The following RBFOX1 variants were observed in gnomAD, a reference collection of about 807,000 sequenced individuals.
RBFOX1 encodes the protein RNA binding protein fox-1 homolog 1.
In RBFOX1, 8 loss-of-function variants were observed where a neutral mutation model predicts 57.7. That is an observed-to-expected ratio of 0.14 (90% CI 0.08 to 0.25). RBFOX1 has a LOEUF of 0.25. Ranked by LOEUF, RBFOX1 falls within the 10% of genes least tolerant of loss-of-function variation. RBFOX1 has a pLI of 1.00. For synonymous variants in RBFOX1, 326 were observed against 222.4 expected (o/e 1.47, Z -4.15); for missense variants, 611 against 548.5 (o/e 1.11, Z -1.14).
chr16:6,268,714 C>T (rs1172932469), intron 1 of RBFOX1, among the ~76,000 whole-genome samples: 1 of 152,126 alleles, frequency 6.6e-6, no homozygotes, highest in African/African-American at 2.4e-5. Context: ...TCTTAGGGAT[C>T]TTACAGTTCA....
chr16:6,809,050 G>A (rs2087717096), intron 3 of RBFOX1, among the ~76,000 whole-genome samples: 1 of 152,118 alleles, frequency 6.6e-6, no homozygotes, highest in African/African-American at 2.4e-5. Flanking sequence ...TTGAGTCTTG[G>A]CCAATCCCAG....
At chr16:6,791,215 T>C (rs1418864352) in intron 3 of RBFOX1, among the ~76,000 whole-genome samples, 1 of 152,194 alleles carries the variant, frequency 6.6e-6, no homozygotes, top group African/African-American at 2.4e-5. Context: ...CCTGTTCTTG[T>C]CTATCTTTAT....
chr16:5,995,623 A>G (rs1347854702), intron 4 of RBFOX1, among the ~76,000 whole-genome samples: 2 of 152,250 alleles, frequency 1.3e-5, no homozygotes, highest in South Asian at 4.1e-4. Flanking sequence ...TAGAATGGAC[A>G]GACAGAAATC....
At chr16:5,553,266 G>C (rs35303512) in intron 2 of RBFOX1, among the ~76,000 whole-genome samples, 43,196 of 151,310 alleles carry the variant, frequency 0.29, 6,838 homozygotes, top group Non-Finnish European at 0.35. Context: ...ATGTACCCTA[G>C]AACTTAAAGT....
At chr16:6,099,957 G>T (rs2096284394) in intron 1 of RBFOX1, among the ~76,000 whole-genome samples, 1 of 152,154 alleles carries the variant, frequency 6.6e-6, no homozygotes, top group Admixed American at 6.5e-5. Flanking sequence ...AGAAGGTGGT[G>T]TAACAGCCTC....
chr16:6,478,425 ATATATTTTTTTTT>A (rs1459720237), intron 2 of RBFOX1, among the ~76,000 whole-genome samples: 1 of 11,730 alleles, frequency 8.5e-5, no homozygotes, highest in African/African-American at 2.6e-4. Context: ...ATATATATAT[ATATATTTTTTTTT>A]TTTTTTTTTG....
At chr16:6,591,117 C>G (rs1548860) in intron 2 of RBFOX1, among the ~76,000 whole-genome samples, 146,566 of 152,196 alleles carry the variant, frequency 0.96, 70,840 homozygotes, top group East Asian at 1. Flanking sequence ...TCTAAGAGTT[C>G]GCACACTGTG....
intron 9 of RBFOX1, among the ~76,000 whole-genome samples, chr16:7,601,352 G>A (rs574294248): frequency 6.6e-5 from 10 of 152,304 alleles, no homozygotes; most frequent in Admixed American, 5.2e-4. Flanking sequence ...GGTATGCAAA[G>A]TGGCCTAAAA....
intron 3 of RBFOX1, among the ~76,000 whole-genome samples, chr16:5,817,619 A>G (rs2055689149): frequency 6.6e-6 from 1 of 150,422 alleles, no homozygotes; most frequent in Admixed American, 6.6e-5. Context: ...GAGAAAGGAG[A>G]GGGGAGAGAG....
chr16:7,529,292 C>G (rs547182406), intron 5 of RBFOX1, among the ~76,000 whole-genome samples: 1 of 152,252 alleles, frequency 6.6e-6, no homozygotes, highest in African/African-American at 2.4e-5. Context: ...AAAAAGAAAA[C>G]TCAAATACTT....
intron 2 of RBFOX1, among the ~76,000 whole-genome samples, chr16:5,493,160 C>G (rs1370093573): frequency 2.0e-5 from 3 of 152,206 alleles, no homozygotes; most frequent in Non-Finnish European, 4.4e-5. Flanking sequence ...TTAGATGGTT[C>G]TTGAAACTCA....
chr16:6,745,016 A>T (rs950849826), intron 3 of RBFOX1, among the ~76,000 whole-genome samples: 2 of 152,064 alleles, frequency 1.3e-5, no homozygotes, highest in African/African-American at 4.8e-5. Context: ...TACAGACTCT[A>T]TAGGTATTAA....
intron 1 of RBFOX1, among the ~76,000 whole-genome samples, chr16:6,210,904 G>C (rs1159824798): frequency 2.0e-5 from 3 of 152,096 alleles, no homozygotes; most frequent in Non-Finnish European, 2.9e-5. Flanking sequence ...CTTTCTCTTA[G>C]GAAAACACAA....
At chr16:6,127,064 C>G (rs1358578654) in intron 1 of RBFOX1, among the ~76,000 whole-genome samples, 1 of 152,084 alleles carries the variant, frequency 6.6e-6, no homozygotes, top group East Asian at 1.9e-4. Context: ...CAAGCTGGAC[C>G]CACATCCATG....
chr16:6,226,737 C>G lies in RBFOX1; in HGVS notation c.-126-90258C>G, dbSNP rs191709205. Among the ~76,000 whole-genome samples the G allele has an allele frequency of 2.0e-3, 303 of 152,144 alleles. 7 individuals carry two copies. Among genetic ancestry groups the G allele is most frequent in the African/African-American group, 7.1e-3 (293 of 41,522 alleles). ...ATCTTGCTGGCTGTAGGCTTTGACC[C>G]TCACTTTCTTTCATCTTTAAAATGA... On this transcript the variant is annotated intron_variant, in intron 1 of 15. Coordinates refer to ENST00000550418, the MANE Select transcript of RBFOX1 (RefSeq NM_018723.4).
chr16:7,022,365 A>G (rs934267852), intron 3 of RBFOX1, among the ~76,000 whole-genome samples: 1 of 151,808 alleles, frequency 6.6e-6, no homozygotes, highest in Non-Finnish European at 1.5e-5. Flanking sequence ...CGTGAACCCC[A>G]TATTCTTAAA....
intron 3 of RBFOX1, among the ~76,000 whole-genome samples, chr16:6,812,705 G>T (rs767607413): frequency 6.6e-6 from 1 of 152,100 alleles, no homozygotes; most frequent in Non-Finnish European, 1.5e-5. Context: ...CCTAAATGTG[G>T]TCTAAATCTT....
intron 5 of RBFOX1, among the ~76,000 whole-genome samples, chr16:7,522,453 G>A (rs539843578): frequency 6.6e-6 from 1 of 152,322 alleles, no homozygotes; most frequent in African/African-American, 2.4e-5. Context: ...CAGTTTGGAT[G>A]TCTTTAAAGA....
chr16:7,639,013 C>T (rs141063750), intron 11 of RBFOX1, among the ~76,000 whole-genome samples: 26 of 151,388 alleles, frequency 1.7e-4, no homozygotes, highest in African/African-American at 6.4e-4. Context: ...AGATAGGTAC[C>T]CTTCTCCTGG....
Sources: allele counts gnomAD v4.1 joint callset (sites outside exome capture counted in the v4.1 genomes callset), GRCh38; gene constraint gnomAD v4.1.1; transcripts MANE v1.5; gene names NCBI Gene and HGNC (gene_info 2026-07-23, HGNC 2026-07-21).